ADARB2: variants seen among roughly 807,000 people sequenced by gnomAD.
ADARB2 encodes the protein inactive double-stranded RNA-specific editase B2.
In ADARB2, 25 loss-of-function variants were observed where a neutral mutation model predicts 62.2. That is an observed-to-expected ratio of 0.40 (90% CI 0.29 to 0.56). The LOEUF (loss-of-function observed/expected upper bound fraction) is 0.56. ADARB2 is among the 20% of genes least tolerant of loss of function. ADARB2 has a pLI of 0.43. For synonymous variants in ADARB2, 572 were observed against 500.8 expected, an observed-to-expected ratio of 1.14 and a Z score of -1.90; for missense variants, 1,071 against 1,077.4, an observed-to-expected ratio of 0.99 and a Z score of 0.08.
At chr10:1,430,646 A>C (rs2131889739) in intron 1 of ADARB2, among the ~76,000 whole-genome samples, 1 of 152,314 alleles carries the variant, frequency 6.6e-6, no homozygotes, top group East Asian at 1.9e-4. Context: ...AGGCTGAGGC[A>C]GGAGAATCAC....
At chr10:1,496,059 T>A (rs1174079621) in intron 1 of ADARB2, among the ~76,000 whole-genome samples, 1 of 151,924 alleles carries the variant, frequency 6.6e-6, no homozygotes, top group Non-Finnish European at 1.5e-5. Context: ...ATTATCTTCA[T>A]CATCACCATC....
chr10:1,419,116 A>G (rs2820661), intron 1 of ADARB2, among the ~76,000 whole-genome samples: 38,691 of 151,972 alleles, frequency 0.25, 6,761 homozygotes, highest in East Asian at 0.62. Context: ...TTTTTGAGAC[A>G]GAGTTTTGTT....
chr10:1,372,228 C>A (rs1355131864), intron 2 of ADARB2, among the ~76,000 whole-genome samples: 1 of 152,170 alleles, frequency 6.6e-6, no homozygotes, highest in Non-Finnish European at 1.5e-5. Flanking sequence ...GCAAATACTG[C>A]ATGTTCTCAC....
chr10:1,533,179 G>A (rs1420835838), intron 1 of ADARB2, among the ~76,000 whole-genome samples: 1 of 151,676 alleles, frequency 6.6e-6, no homozygotes, highest in Non-Finnish European at 1.5e-5. Context: ...AGTGCAGTGG[G>A]GTGATCTCGG....
intron 8 of ADARB2, among the ~76,000 whole-genome samples, chr10:1,191,214 T>C (rs1317093602): frequency 6.6e-6 from 1 of 152,208 alleles, no homozygotes. Flanking sequence ...CCTCTGGACC[T>C]TCTGTGTGTG....
At chr10:1,560,581 G>A (rs4880518) in intron 1 of ADARB2, among the ~76,000 whole-genome samples, 11,183 of 27,694 alleles carry the variant, frequency 0.4, 2,352 homozygotes, top group Non-Finnish European at 0.53. Context: ...TGAACACACG[G>A]GGGGTGGGTT....
At chr10:1,253,521 T>C (rs1831053585) in intron 4 of ADARB2, among the ~76,000 whole-genome samples, 1 of 152,264 alleles carries the variant, frequency 6.6e-6, no homozygotes, top group Non-Finnish European at 1.5e-5. Context: ...TCCATTTGTT[T>C]ATCCATCCAT....
At chr10:1,712,677 C>G (rs1376746876) in intron 1 of ADARB2, among the ~76,000 whole-genome samples, 2 of 90,214 alleles carry the variant, frequency 2.2e-5, no homozygotes, top group African/African-American at 4.4e-5. Flanking sequence ...GGCGGGATCT[C>G]GGTTCACTGC....
chr10:1,556,172 A>G (rs1832697962), intron 1 of ADARB2, among the ~76,000 whole-genome samples: 1 of 152,090 alleles, frequency 6.6e-6, no homozygotes, highest in Non-Finnish European at 1.5e-5. Context: ...CTGGGAAACG[A>G]GGACACGGCT....
At chr10:1,356,971 A>G (rs1400427396) in intron 3 of ADARB2, among the ~76,000 whole-genome samples, 3 of 152,194 alleles carry the variant, frequency 2.0e-5, no homozygotes, top group African/African-American at 7.2e-5. Context: ...CGTTCGTTTT[A>G]ACCCCGGATT....
intron 4 of ADARB2, among the ~76,000 whole-genome samples, chr10:1,264,669 A>G (rs1287157745): frequency 6.6e-6 from 1 of 152,244 alleles, no homozygotes; most frequent in East Asian, 1.9e-4. Context: ...AAAACTTGGA[A>G]AACTTATGCT....
At chr10:1,662,280 G>T (rs1834258297) in intron 1 of ADARB2, among the ~76,000 whole-genome samples, 2 of 152,186 alleles carry the variant, frequency 1.3e-5, no homozygotes, top group Admixed American at 1.3e-4. Context: ...ATTCATCCAG[G>T]CAGCCTCCAG....
At chr10:1,461,760 G>C (rs145252357) in intron 1 of ADARB2, among the ~76,000 whole-genome samples, 2,425 of 152,182 alleles carry the variant, frequency 0.016, 52 homozygotes, top group African/African-American at 0.051. Flanking sequence ...AGCACTTTGG[G>C]AGGCCGAGGC....
At chr10:1,262,405 T>C (rs550164326) in intron 4 of ADARB2, among the ~76,000 whole-genome samples, 2 of 151,700 alleles carry the variant, frequency 1.3e-5, no homozygotes, top group East Asian at 3.9e-4. Context: ...AGGGCTAATA[T>C]CCAGAATCTA....
At chr10:1,242,366 T>C (rs762418857) in intron 4 of ADARB2, 67 bp from the exon 5 acceptor site, 133 of 1,478,126 alleles carry the variant, frequency 9.0e-5, no homozygotes, top group Non-Finnish European at 1.2e-4. Flanking sequence ...CTCGGTCTTT[T>C]CAGGGTCTCA....
chr10:1,198,539 A>G (rs1392828), intron 8 of ADARB2, among the ~76,000 whole-genome samples: 119,148 of 151,888 alleles, frequency 0.78, 46,679 homozygotes, highest in Admixed American at 0.8. Flanking sequence ...GCTCATTTGC[A>G]TCTGCAAAAT....
intron 3 of ADARB2, among the ~76,000 whole-genome samples, chr10:1,342,479 A>T (rs546125103): frequency 6.6e-6 from 1 of 152,350 alleles, no homozygotes; most frequent in South Asian, 2.1e-4. Flanking sequence ...TCAGGTGGCC[A>T]TTCCTAGGGA....
intron 8 of ADARB2, among the ~76,000 whole-genome samples, chr10:1,189,532 C>G (rs1024800070): frequency 2.0e-5 from 3 of 152,070 alleles, no homozygotes; most frequent in Admixed American, 6.5e-5. Context: ...ACTCCTGTGG[C>G]TGGAAATGTG....
chr10:1,674,807 G>A (rs940849413), intron 1 of ADARB2, among the ~76,000 whole-genome samples: 4 of 152,176 alleles, frequency 2.6e-5, no homozygotes, highest in East Asian at 1.9e-4. Flanking sequence ...CATTCAAGTC[G>A]GAAAGCCCCT....
Sources: gnomAD v4.1 joint callset for allele counts (sites outside exome capture counted in the v4.1 genomes callset) on GRCh38, gnomAD v4.1.1 for gene constraint, MANE v1.5 for transcripts, NCBI Gene and HGNC (gene_info 2026-07-23, HGNC 2026-07-21) for gene names.